Variants in APBA1 observed in about 807,000 individuals in gnomAD.
The protein encoded by APBA1 is amyloid-beta A4 precursor protein-binding family A member 1.
APBA1 carries 55 observed loss-of-function variants against 86.6 expected under a neutral mutation model. The observed-to-expected ratio is 0.64, with a 90% CI of 0.51 to 0.80. The LOEUF is 0.80. APBA1 is among the 30% of genes least tolerant of loss of function. The pLI is 0.00. For missense variants in APBA1, 1,090 were observed against 1,183.0 expected, an observed-to-expected ratio of 0.92 and a Z score of 1.15; for synonymous variants, 511 against 493.9, an observed-to-expected ratio of 1.03 and a Z score of -0.46.
chr9:69,591,547 C>T (rs561844865), intron 1 of APBA1, among the ~76,000 whole-genome samples: 1 of 152,328 alleles, frequency 6.6e-6, no homozygotes, highest in Admixed American at 6.5e-5. Flanking sequence ...CAGGGTAACA[C>T]TCTGCCTCAG....
At chr9:69,538,841 G>A (rs1013764235) in intron 1 of APBA1, among the ~76,000 whole-genome samples, 4 of 152,130 alleles carry the variant, frequency 2.6e-5, no homozygotes, top group Non-Finnish European at 5.9e-5. Context: ...GTTCCCTTCT[G>A]TTCTGTCTTA....
At chr9:69,458,943 A>C (rs1835146253) in intron 5 of APBA1, among the ~76,000 whole-genome samples, 1 of 151,848 alleles carries the variant, frequency 6.6e-6, no homozygotes, top group African/African-American at 2.4e-5. Context: ...AGTAGCTGGG[A>C]TTATAGGCAT....
intron 1 of APBA1, among the ~76,000 whole-genome samples, chr9:69,527,783 A>G (rs1371706145): frequency 6.6e-6 from 1 of 152,138 alleles, no homozygotes; most frequent in Non-Finnish European, 1.5e-5. Context: ...GGCCACTCCT[A>G]TATTGGAAGT....
At chr9:69,504,058 T>G (rs1220303889) in intron 2 of APBA1, among the ~76,000 whole-genome samples, 3 of 152,158 alleles carry the variant, frequency 2.0e-5, no homozygotes. Context: ...GAAGATAGAC[T>G]GGCTGTAAGT....
At chr9:69,580,935 C>G (rs577900325) in intron 1 of APBA1, among the ~76,000 whole-genome samples, 1 of 152,264 alleles carries the variant, frequency 6.6e-6, no homozygotes, top group Non-Finnish European at 1.5e-5. Context: ...TTGAAGGCCC[C>G]TGATGGGTAT....
At chr9:69,567,924 A>G (rs1837055162) in intron 1 of APBA1, among the ~76,000 whole-genome samples, 1 of 152,176 alleles carries the variant, frequency 6.6e-6, no homozygotes, top group Non-Finnish European at 1.5e-5. Context: ...AGAAATGATG[A>G]AAACTCTTGG....
intron 1 of APBA1, among the ~76,000 whole-genome samples, chr9:69,620,515 T>A: frequency 6.6e-6 from 1 of 151,948 alleles, no homozygotes; most frequent in East Asian, 1.9e-4. Flanking sequence ...CTGTCTCTAC[T>A]AAAATACAAA....
intron 1 of APBA1, among the ~76,000 whole-genome samples, chr9:69,613,094 A>G (rs992811348): frequency 6.6e-6 from 1 of 152,116 alleles, no homozygotes; most frequent in Non-Finnish European, 1.5e-5. Flanking sequence ...TATGAAAAAA[A>G]TTTGTGTGTG....
chr9:69,530,913 A>G (rs1298750078), intron 1 of APBA1, among the ~76,000 whole-genome samples: 2 of 152,192 alleles, frequency 1.3e-5, no homozygotes, highest in African/African-American at 2.4e-5. Flanking sequence ...TTAATGGTTC[A>G]TGTCTCTCCC....
chr9:69,444,259 A>C (rs1236246269), intron 10 of APBA1, among the ~76,000 whole-genome samples: 1 of 152,218 alleles, frequency 6.6e-6, no homozygotes, highest in Non-Finnish European at 1.5e-5. Flanking sequence ...AATGATTCCA[A>C]AGCACAGCAA....
At position 69,638,855 on chromosome 9, in the gene APBA1, A is replaced by G. The variant is rs997011696; in HGVS notation, c.-70+33298T>C. ...TGTTTTTGAAATTTTGAATTTTGAA[A>G]ATCAAATTTTTGAAGATTAAAATTT... On this transcript the variant is annotated intron_variant, in intron 1 of 12. Coordinates refer to ENST00000265381, the MANE Select transcript of APBA1 (RefSeq NM_001163.4). Among the ~76,000 whole-genome samples, 17 of 152,212 alleles carry G rather than the reference A, an allele frequency of 1.1e-4. 1 individual carries two copies. Among genetic ancestry groups the G allele is most frequent in the African/African-American group, 4.1e-4 (17 of 41,458 alleles).
chr9:69,502,705 AC>A (rs1226256183), intron 2 of APBA1, among the ~76,000 whole-genome samples: 1 of 152,036 alleles, frequency 6.6e-6, no homozygotes, highest in Non-Finnish European at 1.5e-5. Context: ...CATCTCAAAA[AC>A]ATTTCATTTT....
At chr9:69,527,279 A>C (rs1466449304) in intron 1 of APBA1, among the ~76,000 whole-genome samples, 2 of 152,090 alleles carry the variant, frequency 1.3e-5, no homozygotes, top group African/African-American at 4.8e-5. Flanking sequence ...ACTTGAACAC[A>C]TGGTACATTT....
chr9:69,547,178 C>T (rs1324842679), intron 1 of APBA1, among the ~76,000 whole-genome samples: 1 of 152,154 alleles, frequency 6.6e-6, no homozygotes, highest in Non-Finnish European at 1.5e-5. Context: ...CAATATTGTT[C>T]TCTCATACAA....
At chr9:69,462,842 A>G (rs1835212504) in intron 5 of APBA1, 1 of 152,180 alleles carries the variant, frequency 6.6e-6, no homozygotes, top group South Asian at 2.1e-4. Flanking sequence ...GTTAAAACAC[A>G]GACTCCTGGG....
At chr9:69,632,989 G>C (rs1013621940) in intron 1 of APBA1, among the ~76,000 whole-genome samples, 1 of 151,780 alleles carries the variant, frequency 6.6e-6, no homozygotes. Context: ...GCTGGGTCAT[G>C]ATGGTCATCA....
chr9:69,651,772 G>A (rs1376956564), intron 1 of APBA1, among the ~76,000 whole-genome samples: 1 of 152,176 alleles, frequency 6.6e-6, no homozygotes, highest in African/African-American at 2.4e-5. Context: ...CACCACGCCT[G>A]GTCTCTGACT....
intron 1 of APBA1, among the ~76,000 whole-genome samples, chr9:69,579,298 A>G (rs1452309925): frequency 6.6e-6 from 1 of 152,094 alleles, no homozygotes; most frequent in Non-Finnish European, 1.5e-5. Flanking sequence ...TTTTCCCCCT[A>G]AGAATGTTGC....
chr9:69,498,366 G>T (rs926744449), intron 2 of APBA1, among the ~76,000 whole-genome samples: 2 of 152,086 alleles, frequency 1.3e-5, no homozygotes, highest in Admixed American at 6.5e-5. Context: ...ATGACTGCAG[G>T]CCACCTGACC....
Sources: allele counts gnomAD v4.1 joint callset (sites outside exome capture counted in the v4.1 genomes callset), GRCh38; gene constraint gnomAD v4.1.1; transcripts MANE v1.5; gene names NCBI Gene and HGNC (gene_info 2026-07-23, HGNC 2026-07-21).